The following MED13L variants were observed in gnomAD, a reference collection of about 807,000 sequenced individuals.
MED13L encodes the protein mediator of RNA polymerase II transcription subunit 13-like.
MED13L carries 7 observed loss-of-function variants against 220.9 expected under a neutral mutation model. The observed-to-expected ratio is 0.03, with a 90% CI of 0.02 to 0.06. The LOEUF (loss-of-function observed/expected upper bound fraction) is 0.06, where lower values mean the gene tolerates loss of function less well. Among genes scored for constraint, MED13L ranks in the 10% least tolerant of loss-of-function variants. The pLI is 1.00. For missense variants in MED13L, 1,965 were observed against 2,760.5 expected (o/e 0.71, Z 6.46); for synonymous variants, 1,011 against 1,015.2 (o/e 1.00, Z 0.08).
At chr12:116,139,563 C>A (rs1362475888) in intron 2 of MED13L, among the ~76,000 whole-genome samples, 2 of 152,112 alleles carry the variant, frequency 1.3e-5, no homozygotes, top group Non-Finnish European at 2.9e-5. Context: ...TTACAGTTAC[C>A]ATAAAATATT....
rs576978505 is a variant in MED13L at position 116,160,402 on chromosome 12, T to C, written c.311-48890A>G. The stretch of plus-strand genomic sequence containing the variant: ...GGTGAGTCACGATGCATCATGATAG[T>C]GGCCAACTCTCTGGAGAGCCCTGCA... On this transcript the variant is annotated intron_variant, in intron 2 of 30. Transcript: ENST00000281928. 3.0e-4 allele frequency among the ~76,000 whole-genome samples: 45 copies of C among 152,212 alleles called. No individual in the cohort carries two copies. In the East Asian group the frequency reaches 8.3e-3, roughly 28 times the overall value.
At chr12:116,246,924 G>A (rs1378259357) in intron 1 of MED13L, among the ~76,000 whole-genome samples, 1 of 124,300 alleles carries the variant, frequency 8.0e-6, no homozygotes, top group Non-Finnish European at 1.7e-5. Flanking sequence ...GGAGTGGGGA[G>A]AGGAGGGGAG....
chr12:116,276,133 A>G (rs1297649808), intron 1 of MED13L, among the ~76,000 whole-genome samples: 1 of 152,240 alleles, frequency 6.6e-6, no homozygotes, highest in African/African-American at 2.4e-5. Context: ...CGATGAATCT[A>G]GACACCGTCG....
intron 2 of MED13L, among the ~76,000 whole-genome samples, chr12:116,219,886 C>T (rs1312538674): frequency 1.3e-5 from 2 of 152,116 alleles, no homozygotes; most frequent in Non-Finnish European, 2.9e-5. Flanking sequence ...CAACCTCTGC[C>T]TCCCGGGTTC....
chr12:116,012,484 T>C (rs143956378), intron 9 of MED13L, among the ~76,000 whole-genome samples: 16 of 152,294 alleles, frequency 1.1e-4, no homozygotes, highest in African/African-American at 3.8e-4. Flanking sequence ...ATCTCTACTT[T>C]AAAATTAAGA....
chr12:115,965,248 T>C (rs1403730012), intron 29 of MED13L, among the ~76,000 whole-genome samples: 1 of 152,256 alleles, frequency 6.6e-6, no homozygotes, highest in Non-Finnish European at 1.5e-5. Context: ...CATTTTGTTG[T>C]AGATGATTAA....
At chr12:116,031,715 GA>G (rs1555251707) in intron 4 of MED13L, among the ~76,000 whole-genome samples, 13 of 46,400 alleles carry the variant, frequency 2.8e-4, no homozygotes, top group African/African-American at 1.2e-3. Context: ...GAAAAGAAAA[GA>G]AAAGAAAAGA....
At chr12:115,984,946 G>T (rs1202353627) in intron 19 of MED13L, among the ~76,000 whole-genome samples, 1 of 151,890 alleles carries the variant, frequency 6.6e-6, no homozygotes, top group Non-Finnish European at 1.5e-5. Context: ...TTATGGCAGG[G>T]AATATAATAA....
chr12:116,000,664 T>G (rs893134928), intron 14 of MED13L, among the ~76,000 whole-genome samples: 7 of 152,194 alleles, frequency 4.6e-5, no homozygotes, highest in African/African-American at 1.7e-4. Flanking sequence ...TGCTTTCAAA[T>G]GCGAAAATTT....
intron 1 of MED13L, among the ~76,000 whole-genome samples, chr12:116,276,085 A>G (rs1210438942): frequency 1.3e-5 from 2 of 152,244 alleles, no homozygotes; most frequent in African/African-American, 2.4e-5. Context: ...TGACACCGCC[A>G]GGAAAAGAGT....
intron 4 of MED13L, among the ~76,000 whole-genome samples, chr12:116,094,726 G>C (rs1159771782): frequency 6.6e-6 from 1 of 152,132 alleles, no homozygotes; most frequent in African/African-American, 2.4e-5. Flanking sequence ...GGCATGGACA[G>C]ATGTACTCAG....
chr12:116,277,041 C>T lies in MED13L; in HGVS notation c.72+19G>A. ...CCCCTTCCCCGGCACAGCCCCCTCC[C>T]CGCAGCCCGGCTACTCACCAGCGAA... On this transcript the variant is annotated intron_variant, in intron 1 of 30. Transcript: ENST00000281928. 6.4e-7 allele frequency: 1 copy of T among 1,569,576 alleles called. No homozygotes were observed. Among genetic ancestry groups the T allele is most frequent in the Non-Finnish European group, 8.6e-7 (1 of 1,157,734 alleles).
At chr12:116,204,948 T>C (rs1301060342) in intron 2 of MED13L, among the ~76,000 whole-genome samples, 2 of 152,188 alleles carry the variant, frequency 1.3e-5, no homozygotes, top group Admixed American at 6.5e-5. Context: ...GTAGTGTCAG[T>C]GGTGATCACA....
At chr12:116,119,838 AATATATATATAT>A (rs1555213243) in intron 2 of MED13L, among the ~76,000 whole-genome samples, 1 of 31,598 alleles carries the variant, frequency 3.2e-5, no homozygotes, top group African/African-American at 1.4e-4. Flanking sequence ...AAAAAAAAAA[AATATATATATAT>A]ATATATATAT....
intron 1 of MED13L, among the ~76,000 whole-genome samples, chr12:116,242,048 C>CTT (rs767214989): frequency 0.02 from 2,166 of 106,600 alleles, 39 homozygotes; most frequent in Non-Finnish European, 0.033. Flanking sequence ...GTTCTTTTGT[C>CTT]TTTTTTTTTT....
rs577135522 is a variant in MED13L, at chr12:115,977,822, C to A, written c.5365-2084G>T. ...GACCAGCCTGGGCAACATAGCAAAA[C>A]CCCTATCAAAAAATTACAAAAATTT... On this transcript the variant is annotated intron_variant, in intron 23 of 30. Coordinates refer to ENST00000281928, the MANE Select transcript of MED13L (RefSeq NM_015335.5). Among the ~76,000 whole-genome samples the A allele has an allele frequency of 3.3e-5, 5 of 152,166 alleles. No individual in the cohort carries two copies. In the South Asian group the frequency reaches 1.0e-3, roughly 32 times the overall value.
intron 2 of MED13L, among the ~76,000 whole-genome samples, chr12:116,186,452 C>T (rs1880908248): frequency 6.6e-6 from 1 of 152,164 alleles, no homozygotes. Context: ...TGTTTAGGTG[C>T]TTTATTACAC....
At chr12:116,029,830 C>T (rs1196268502) in intron 4 of MED13L, among the ~76,000 whole-genome samples, 3 of 151,958 alleles carry the variant, frequency 2.0e-5, no homozygotes, top group Non-Finnish European at 2.9e-5. Flanking sequence ...CATGGCTTTC[C>T]ACAAAGAAAG....
intron 2 of MED13L, among the ~76,000 whole-genome samples, chr12:116,221,373 T>TAA (rs78623635): frequency 2.4e-4 from 32 of 132,346 alleles, no homozygotes; most frequent in South Asian, 1.2e-3. Context: ...GACCCTGTCT[T>TAA]AAAAAAAAAA....
Sources: allele counts gnomAD v4.1 joint callset (sites outside exome capture counted in the v4.1 genomes callset), GRCh38; gene constraint gnomAD v4.1.1; transcripts MANE v1.5; gene names NCBI Gene and HGNC (gene_info 2026-07-23, HGNC 2026-07-21).